STUM: variants seen among roughly 807,000 people sequenced by gnomAD.
STUM encodes the protein protein stum homolog.
STUM carries 8 observed loss-of-function variants against 15.3 expected under a neutral mutation model. The observed-to-expected ratio is 0.52, with a 90% CI of 0.31 to 0.94. The LOEUF is 0.94. Among genes scored for constraint, STUM ranks in the 40% least tolerant of loss-of-function variants. STUM has a pLI of 0.05. For synonymous variants in STUM, 78 were observed against 88.7 expected, an observed-to-expected ratio of 0.88 and a Z score of 0.68; for missense variants, 142 against 204.9, an observed-to-expected ratio of 0.69 and a Z score of 1.87.
In STUM at chr1:226,607,408, C is replaced by T. The variant is rs915621555; in HGVS notation, c.*5368C>T. ...CCGGCCTGAGTGCTGTTATGACTGC[C>T]GGCGTCTCTCCGACTGCCTCTCGCC... On this transcript the variant is annotated 3_prime_UTR_variant, in exon 4 of 4. Coordinates refer to ENST00000366788, the MANE Select transcript of STUM (RefSeq NM_001003665.4). 3.9e-5 allele frequency: 6 copies of T among 152,158 alleles called. No individual in the cohort carries two copies. The highest frequency in any genetic ancestry group is 7.2e-5 in the African/African-American group (3 of 41,412). The allele number at this position is 152,158 out of a possible 1,614,324, so 9.4% of individuals were successfully genotyped here.
intron 1 of STUM, among the ~76,000 whole-genome samples, chr1:226,562,981 C>T (rs1198364010): frequency 6.6e-6 from 1 of 152,052 alleles, no homozygotes; most frequent in African/African-American, 2.4e-5. Context: ...GCCATGATGT[C>T]GGCAGCTTAT....
intron 1 of STUM, among the ~76,000 whole-genome samples, chr1:226,577,561 G>A (rs111909383): frequency 3.1e-4 from 47 of 152,144 alleles, no homozygotes; most frequent in African/African-American, 9.9e-4. Context: ...ACGCATGCAC[G>A]CCAGGGACTG....
Position 226,549,185 on chromosome 1 carries a change from A to G in STUM, c.202+79A>G. The G allele has an allele frequency of 1.5e-6, 2 of 1,299,206 alleles. No individual in the cohort carries two copies. Among genetic ancestry groups the G allele is most frequent in the South Asian group, 2.7e-5 (2 of 74,264 alleles). 80.5% of individuals were successfully genotyped at this position (1,299,206 alleles called of 1,614,324 possible). On this transcript the variant is annotated intron_variant, in intron 1 of 3. Coordinates refer to ENST00000366788, the MANE Select transcript of STUM (RefSeq NM_001003665.4). The surrounding 1 kb of genome is among the most constrained non-coding windows in gnomAD (Gnocchi z 6.8). Reference sequence around the variant, plus strand: ...TGGGGGGAGAGAAGGGCGCGGCCGGAGACCTCCTGGCGGGGCCGCGCGCTC... The same window carrying G: ...TGGGGGGAGAGAAGGGCGCGGCCGGGGACCTCCTGGCGGGGCCGCGCGCTC...
chr1:226,565,395 C>T lies in STUM; in HGVS notation c.202+16289C>T, dbSNP rs1667605419. ...GTCACACAGAGATGTTTGTTTTTAG[C>T]ACCCCTGACTAGACTGTGGGGTCCT... On this transcript the variant is annotated intron_variant, in intron 1 of 3. Coordinates refer to ENST00000366788, the MANE Select transcript of STUM (RefSeq NM_001003665.4). The surrounding 1 kb of genome is among the most constrained non-coding windows in gnomAD (Gnocchi z 4.4). Among the ~76,000 whole-genome samples the T allele has an allele frequency of 6.6e-6, 1 of 152,186 alleles. No homozygotes were observed. The highest frequency in any genetic ancestry group is 2.4e-5 in the African/African-American group (1 of 41,434).
intron 3 of STUM, among the ~76,000 whole-genome samples, chr1:226,601,187 C>T (rs966387761): frequency 5.4e-4 from 82 of 152,054 alleles, no homozygotes; most frequent in African/African-American, 1.9e-3. Context: ...AGTGCAGTGG[C>T]GCAATCTCGG....
intron 1 of STUM, among the ~76,000 whole-genome samples, chr1:226,584,653 G>A (rs766091713): frequency 1.3e-5 from 2 of 152,184 alleles, no homozygotes; most frequent in African/African-American, 4.8e-5. Context: ...GAACAACACC[G>A]TAGGATTGGG....
In STUM at chr1:226,602,219, G is replaced by A; in HGVS notation, c.*179G>A. 1 of 595,400 alleles carries A rather than the reference G, an allele frequency of 1.7e-6. No homozygotes were observed. The highest frequency in any genetic ancestry group is 2.8e-5 in the East Asian group (1 of 35,670). The allele number at this position is 595,400 out of a possible 1,614,324, so 36.9% of individuals were successfully genotyped here. A position where few individuals can be genotyped will look rare whatever the true frequency, so the allele number is the denominator to read the frequency against. ...GCATCTGCTTTTCTCAGCAGGTTGT[G>A]AGGGCTGCCAGCCCCTCCTGCTCTG... On this transcript the variant is annotated 3_prime_UTR_variant, in exon 4 of 4. Coordinates refer to ENST00000366788, the MANE Select transcript of STUM (RefSeq NM_001003665.4).
At chr1:226,595,862 C>T (rs1000063416) in intron 1 of STUM, among the ~76,000 whole-genome samples, 4 of 152,218 alleles carry the variant, frequency 2.6e-5, no homozygotes, top group Non-Finnish European at 4.4e-5. Flanking sequence ...GGACTCATCC[C>T]TGAGGACCCA....
chr1:226,576,497 C>T (rs1383001483), intron 1 of STUM, among the ~76,000 whole-genome samples: 1 of 152,206 alleles, frequency 6.6e-6, no homozygotes, highest in Non-Finnish European at 1.5e-5. Flanking sequence ...GGTAAAGACC[C>T]ATCTCTTGCC....
intron 1 of STUM, among the ~76,000 whole-genome samples, chr1:226,585,709 G>T (rs1667985844): frequency 6.6e-6 from 1 of 152,190 alleles, no homozygotes; most frequent in Non-Finnish European, 1.5e-5. Context: ...CGCCCCGTGG[G>T]ATTCTTGAGG....
rs891544881 is a variant in STUM, at chr1:226,549,978, G to A, written c.202+872G>A. Among the ~76,000 whole-genome samples, 1 of 151,964 alleles carries A rather than the reference G, an allele frequency of 6.6e-6. No individual in the cohort carries two copies. Among genetic ancestry groups the A allele is most frequent in the Non-Finnish European group, 1.5e-5 (1 of 67,944 alleles). On this transcript the variant is annotated intron_variant, in intron 1 of 3. Coordinates refer to ENST00000366788, the MANE Select transcript of STUM (RefSeq NM_001003665.4). This position sits in a 1 kb window ranked among gnomAD's most constrained non-coding sequence, Gnocchi z 6.8. Reference sequence around the variant, plus strand: ...CTCCCTCCCTTAACTCCACCCCCAGGTCTCTGCCTGCACGCCCCTCCCCTC... The same window carrying A: ...CTCCCTCCCTTAACTCCACCCCCAGATCTCTGCCTGCACGCCCCTCCCCTC...
rs1371763549 is a variant in STUM at position 226,603,341 on chromosome 1, A to G, written c.*1301A>G. On this transcript the variant is annotated 3_prime_UTR_variant, in exon 4 of 4. Transcript: ENST00000366788. The stretch of plus-strand genomic sequence containing the variant: ...GGGCTAGGGGTGGGGAGAATCTAGC[A>G]GAAGTTGTCCAGGATACTGTGGATC... The G allele has an allele frequency of 2.6e-5, 4 of 152,252 alleles. No individual in the cohort carries two copies. Among genetic ancestry groups the G allele is most frequent in the Non-Finnish European group, 5.9e-5 (4 of 68,052 alleles). The allele number at this position is 152,252 out of a possible 1,614,324, so 9.4% of individuals were successfully genotyped here. A position where few individuals can be genotyped will look rare whatever the true frequency, so the allele number is the denominator to read the frequency against.
At chr1:226,573,923 C>A (rs1667762986) in intron 1 of STUM, among the ~76,000 whole-genome samples, 1 of 151,976 alleles carries the variant, frequency 6.6e-6, no homozygotes, top group Non-Finnish European at 1.5e-5. Flanking sequence ...CAACCTCCAC[C>A]TCCTGGGTTC....
In STUM at chr1:226,548,969, C is replaced by T. The variant is rs773827527; in HGVS notation, c.65C>T (p.Pro22Leu). The T allele has an allele frequency of 8.0e-6, 12 of 1,508,546 alleles. No homozygotes were observed. The highest frequency in any genetic ancestry group is 3.4e-4 in the Middle Eastern group (2 of 5,826). 93.4% of individuals were successfully genotyped at this position (1,508,546 alleles called of 1,614,324 possible). A position where few individuals can be genotyped will look rare whatever the true frequency, so the allele number is the denominator to read the frequency against. ...GCGGCGGCGGTGGCGGCGGCGGACC[C>T]CCGGGGGGCGTCCTCGTCCAGCGGG... ...AAAAAVAAAD[P>L]RGASSSSGVV... Residue 22 changes from proline (P) to leucine (L), a missense_variant, in exon 1 of 4, where the codon CCC becomes CTC. By Grantham distance (98) the Pro-to-Leu change is moderately conservative. This residue lies in a region of STUM where 113 missense variants were observed against 134.4 expected (regional missense o/e 0.84). Coordinates refer to ENST00000366788, the MANE Select transcript of STUM (RefSeq NM_001003665.4).
intron 1 of STUM, among the ~76,000 whole-genome samples, chr1:226,558,337 C>A (rs1189877713): frequency 6.6e-6 from 1 of 152,112 alleles, no homozygotes; most frequent in Non-Finnish European, 1.5e-5. Context: ...CCCTTTGTTC[C>A]CAGGATCATT....
chr1:226,594,368 A>G (rs559613693), intron 1 of STUM, among the ~76,000 whole-genome samples: 1 of 152,346 alleles, frequency 6.6e-6, no homozygotes, highest in South Asian at 2.1e-4. Context: ...AAAATAAAAA[A>G]CAAGGCAGCC....
intron 1 of STUM, among the ~76,000 whole-genome samples, chr1:226,577,529 T>A (rs1236010785): frequency 1.3e-5 from 2 of 150,666 alleles, no homozygotes; most frequent in Non-Finnish European, 3.0e-5. Flanking sequence ...ACTCACACAC[T>A]CAGGCACACA....
At chr1:226,588,745 C>T (rs1022078667) in intron 1 of STUM, among the ~76,000 whole-genome samples, 6 of 152,214 alleles carry the variant, frequency 3.9e-5, no homozygotes, top group African/African-American at 1.4e-4. Context: ...GTATTTTTAG[C>T]AATCTCTGAT....
At chr1:226,595,771 G>A (rs530814622) in intron 1 of STUM, among the ~76,000 whole-genome samples, 1 of 152,308 alleles carries the variant, frequency 6.6e-6, no homozygotes, top group African/African-American at 2.4e-5. Flanking sequence ...ATGGAGGAAG[G>A]GGCCACAAGC....
Sources: gnomAD v4.1 joint callset for allele counts (sites outside exome capture counted in the v4.1 genomes callset) on GRCh38, gnomAD v4.1.1 for gene constraint, gnomAD v4.1.1 regional missense constraint, Gnocchi (gnomAD v3.1) non-coding constraint, MANE v1.5 for transcripts, NCBI Gene and HGNC (gene_info 2026-07-23, HGNC 2026-07-21) for gene names.